The following TYR variants were observed in gnomAD, a reference collection of about 807,000 sequenced individuals.
The protein encoded by TYR is tyrosinase.
TYR carries 58 observed loss-of-function variants against 51.5 expected under a neutral mutation model. That is an observed-to-expected ratio of 1.13 (90% CI 0.91 to 1.40). The LOEUF (loss-of-function observed/expected upper bound fraction) is 1.40. TYR is among the 40% of genes most tolerant of loss of function. The probability of loss-of-function intolerance (pLI) is 0.00; values close to 1 mark genes in which losing one functional copy is unlikely to be tolerated. For missense variants in TYR, 732 were observed against 647.4 expected (o/e 1.13, Z -1.42); for synonymous variants, 263 against 235.2 (o/e 1.12, Z -1.08).
chr11:89,252,981 C>T (rs533491377), intron 3 of TYR, among the ~76,000 whole-genome samples: 2 of 151,874 alleles, frequency 1.3e-5, no homozygotes, highest in Admixed American at 1.3e-4. Context: ...AATTGAATCA[C>T]AATCTGATCC....
In TYR at chr11:89,227,826, T is replaced by A; in HGVS notation, c.1040T>A (p.Phe347Tyr). ...NFSFRNTLEGFASPLTGIADA... is the reference protein window; with the variant it reads ...NFSFRNTLEGYASPLTGIADA... ...TTCATTTTTTTTTAATGAACAGGAT[T>A]TGCTAGTCCACTTACTGGGATAGCG... The change falls in exon 3 of 5, where the codon TTT becomes TAT. Residue 347 changes from phenylalanine to tyrosine, a missense_variant. Coordinates refer to ENST00000263321, the MANE Select transcript of TYR (RefSeq NM_000372.5). 1.2e-6 allele frequency: 2 copies of A among 1,612,742 alleles called. No individual in the cohort carries two copies. Among genetic ancestry groups the A allele is most frequent in the Admixed American group, 1.7e-5 (1 of 59,894 alleles).
chr11:89,195,700 A>G (rs976860731), intron 2 of TYR, among the ~76,000 whole-genome samples: 2 of 151,956 alleles, frequency 1.3e-5, no homozygotes, highest in East Asian at 1.9e-4. Context: ...ATAAAAATAA[A>G]ATAAAAACCT....
chr11:89,179,223 G>A (rs1229868990), intron 1 of TYR, among the ~76,000 whole-genome samples: 1 of 152,052 alleles, frequency 6.6e-6, no homozygotes, highest in Admixed American at 6.5e-5. Context: ...GCAAATTCCT[G>A]GCCTTATCCC....
At chr11:89,198,653 A>T (rs1303792434) in intron 2 of TYR, among the ~76,000 whole-genome samples, 1 of 152,092 alleles carries the variant, frequency 6.6e-6, no homozygotes, top group Non-Finnish European at 1.5e-5. Context: ...CTAAAGCACC[A>T]TTCTCAGCAA....
chr11:89,284,147 C>G (rs956786662), intron 3 of TYR, among the ~76,000 whole-genome samples: 1 of 151,806 alleles, frequency 6.6e-6, no homozygotes, highest in African/African-American at 2.4e-5. Context: ...GTGTCACTAT[C>G]TCCTGTTTCG....
chr11:89,200,678 ATTACT>A (rs1198215196), intron 2 of TYR: 5 of 152,120 alleles, frequency 3.3e-5, no homozygotes, highest in African/African-American at 9.7e-5. Flanking sequence ...GTGGAATGAG[ATTACT>A]TTATATTTTT....
At chr11:89,242,235 T>A (rs1944206522) in intron 3 of TYR, among the ~76,000 whole-genome samples, 1 of 152,110 alleles carries the variant, frequency 6.6e-6, no homozygotes, top group Non-Finnish European at 1.5e-5. Context: ...TGAGATGGGG[T>A]CTTTCTCTGT....
At chr11:89,268,867 G>A (rs1382657589) in intron 3 of TYR, among the ~76,000 whole-genome samples, 1 of 151,642 alleles carries the variant, frequency 6.6e-6, no homozygotes, top group Admixed American at 6.6e-5. Context: ...TTACATCAGT[G>A]CCCAGGGTCC....
intron 2 of TYR, among the ~76,000 whole-genome samples, chr11:89,197,841 G>A (rs981321498): frequency 7.2e-5 from 11 of 152,108 alleles, no homozygotes; most frequent in Non-Finnish European, 7.4e-5. Flanking sequence ...TAAGCTATAC[G>A]TCATTTTAAA....
intron 2 of TYR, among the ~76,000 whole-genome samples, chr11:89,210,224 A>G (rs1445125016): frequency 1.3e-5 from 2 of 152,204 alleles, no homozygotes; most frequent in Non-Finnish European, 2.9e-5. Context: ...AACTTTGAAA[A>G]AAGGTTAGAT....
chr11:89,265,256 G>A lies in TYR; in HGVS notation c.1185-19517G>A, dbSNP rs1944511805. Among the ~76,000 whole-genome samples, 7 of 152,144 alleles carry A rather than the reference G, an allele frequency of 4.6e-5. No individual in the cohort carries two copies. The South Asian group carries it at 1.0e-3, about 23-fold the overall frequency. On this transcript the variant is annotated intron_variant, in intron 3 of 4. Coordinates refer to ENST00000263321, the MANE Select transcript of TYR (RefSeq NM_000372.5). ...CTGTCCAAGGATATATAAGTGGGTAGGGGAAAGCCTTCAAACAAGGAGTTT... is the reference window on the plus strand; with the variant it reads ...CTGTCCAAGGATATATAAGTGGGTAAGGGAAAGCCTTCAAACAAGGAGTTT...
intron 3 of TYR, among the ~76,000 whole-genome samples, chr11:89,247,680 T>C (rs1334468806): frequency 6.6e-6 from 1 of 152,080 alleles, no homozygotes; most frequent in Non-Finnish European, 1.5e-5. Context: ...AAAAAGGAAA[T>C]TGGGGCCCAG....
chr11:89,242,941 A>G (rs1370882192), intron 3 of TYR, among the ~76,000 whole-genome samples: 3 of 152,192 alleles, frequency 2.0e-5, no homozygotes, highest in Non-Finnish European at 1.5e-5. Flanking sequence ...TAACCACTCA[A>G]TCATGGAGCC....
At chr11:89,191,452 C>G in intron 2 of TYR, 34 bp downstream of exon 2, 1 of 1,592,524 alleles carries the variant, frequency 6.3e-7, no homozygotes, top group Non-Finnish European at 8.6e-7. Context: ...AATTTTTTTT[C>G]TGAATTCATA....
intron 1 of TYR, among the ~76,000 whole-genome samples, chr11:89,190,448 A>T (rs1322027362): frequency 6.6e-6 from 1 of 152,174 alleles, no homozygotes; most frequent in Non-Finnish European, 1.5e-5. Context: ...TAAGTAAAAA[A>T]TTAAATAGCA....
chr11:89,202,622 T>TACACACAAACACAC (rs1555086935), intron 2 of TYR, among the ~76,000 whole-genome samples: 18 of 141,370 alleles, frequency 1.3e-4, no homozygotes, highest in Non-Finnish European at 2.3e-4. Flanking sequence ...ATTTTCATAA[T>TACACACAAACACAC]ACACACACAC....
chr11:89,278,352 C>A (rs1458417112), intron 3 of TYR, among the ~76,000 whole-genome samples: 1 of 151,664 alleles, frequency 6.6e-6, no homozygotes, highest in Non-Finnish European at 1.5e-5. Context: ...CACCACTAGA[C>A]TCCAAATACT....
chr11:89,178,547 T>C lies in TYR; in HGVS notation c.594T>C (p.Ile198=). Reference sequence around the variant, plus strand: ...GGGGATCTGAAATCTGGAGAGACATTGATTTTGCCCATGAAGCACCAGCTT... The same window carrying C: ...GGGGATCTGAAATCTGGAGAGACATCGATTTTGCCCATGAAGCACCAGCTT... ...LLGGSEIWRD[I]DFAHEAPAFL... Residue 198 remains isoleucine, a synonymous_variant, in exon 1 of 5, where the codon ATT becomes ATC. Transcript: ENST00000263321. The C allele has an allele frequency of 6.2e-7, 1 of 1,614,152 alleles. No individual in the cohort carries two copies. The highest frequency in any genetic ancestry group is 1.1e-5 in the South Asian group (1 of 91,068).
intron 3 of TYR, among the ~76,000 whole-genome samples, chr11:89,245,932 A>C (rs1944262268): frequency 6.8e-6 from 1 of 146,218 alleles, no homozygotes; most frequent in South Asian, 2.2e-4. Flanking sequence ...AAAAAAAAAA[A>C]CAAACAAACA....
Sources: gnomAD v4.1 joint callset for allele counts (sites outside exome capture counted in the v4.1 genomes callset) on GRCh38, gnomAD v4.1.1 for gene constraint, MANE v1.5 for transcripts, NCBI Gene and HGNC (gene_info 2026-07-23, HGNC 2026-07-21) for gene names.